The following EDIL3 variants were observed in gnomAD, a reference collection of about 807,000 sequenced individuals.
EDIL3 encodes the protein EGF-like repeat and discoidin I-like domain-containing protein 3.
Under a neutral mutation model 67.4 loss-of-function variants are expected in EDIL3, and 37 were observed. That is an observed-to-expected ratio of 0.55 (90% CI 0.42 to 0.72). EDIL3 has a LOEUF of 0.72. EDIL3 is among the 30% of genes least tolerant of loss of function. The pLI, the probability that EDIL3 is intolerant of heterozygous loss-of-function variation, is 0.00. For missense variants in EDIL3, 527 were observed against 586.3 expected, an observed-to-expected ratio of 0.90 and a Z score of 1.04; for synonymous variants, 195 against 196.3, an observed-to-expected ratio of 0.99 and a Z score of 0.05.
At position 84,106,818 on chromosome 5, in the gene EDIL3, G is replaced by A. The variant is rs757595539; in HGVS notation, c.482C>T (p.Pro161Leu). Residue 161 changes from proline (P) to leucine (L), a missense_variant, in exon 6 of 11, where the codon CCA (proline) becomes CTA (leucine). Physicochemically the swap from Pro to Leu is moderately conservative, Grantham distance 98. Around this residue, in one of 2 missense-constraint regions of EDIL3, gnomAD observed 494 missense variants for 522.5 expected, o/e 0.95. Coordinates refer to ENST00000296591, the MANE Select transcript of EDIL3 (RefSeq NM_005711.5). Reference sequence around the variant, plus strand: ...TATAATTCCACCTTCAATTCCCAGTGGGCCTGAGCATTCTGGAAACAAAAA... The same window carrying A: ...TATAATTCCACCTTCAATTCCCAGTAGGCCTGAGCATTCTGGAAACAAAAA... ...GRNCQYKCSG[P>L]LGIEGGIISN... The A allele has an allele frequency of 6.3e-7, 1 of 1,598,828 alleles. No homozygotes were observed. Among genetic ancestry groups the A allele is most frequent in the Admixed American group, 1.8e-5 (1 of 55,868 alleles).
chr5:84,343,213 CT>C (rs529927011), intron 1 of EDIL3, among the ~76,000 whole-genome samples: 229 of 148,192 alleles, frequency 1.5e-3, no homozygotes, highest in Middle Eastern at 3.6e-3. Context: ...CTGCTAATAC[CT>C]TTTTTTTTTA....
chr5:84,188,422 T>C (rs1580368150), intron 3 of EDIL3, among the ~76,000 whole-genome samples: 3 of 151,900 alleles, frequency 2.0e-5, no homozygotes, highest in Admixed American at 2.0e-4. Flanking sequence ...AAAACACGAA[T>C]CCCTGCCTGT....
At chr5:84,209,137 AC>A (rs1419443359) in intron 3 of EDIL3, among the ~76,000 whole-genome samples, 3 of 151,542 alleles carry the variant, frequency 2.0e-5, no homozygotes, top group Non-Finnish European at 2.9e-5. Flanking sequence ...AAAAAACCAA[AC>A]ACCGCATGTT....
chr5:84,268,110 C>G (rs368557534), intron 1 of EDIL3, among the ~76,000 whole-genome samples: 49 of 152,132 alleles, frequency 3.2e-4, no homozygotes, highest in African/African-American at 1.1e-3. Flanking sequence ...GCACTCCAAG[C>G]TGGGTGACAG....
At chr5:84,056,663 C>T (rs957105219) in intron 9 of EDIL3, among the ~76,000 whole-genome samples, 2 of 151,794 alleles carry the variant, frequency 1.3e-5, no homozygotes, top group African/African-American at 2.4e-5. Context: ...TCCATTAGAG[C>T]GTCACATTTT....
intron 9 of EDIL3, among the ~76,000 whole-genome samples, chr5:84,023,588 T>C (rs1001249422): frequency 1.1e-4 from 17 of 152,074 alleles, no homozygotes; most frequent in African/African-American, 3.6e-4. Flanking sequence ...AGTTTAAGTA[T>C]AGGCTATTTG....
At chr5:84,296,992 C>T (rs1364267925) in intron 1 of EDIL3, among the ~76,000 whole-genome samples, 3 of 151,932 alleles carry the variant, frequency 2.0e-5, no homozygotes, top group Non-Finnish European at 4.4e-5. Context: ...ACCATCCTGG[C>T]TAATATGGTG....
chr5:84,028,905 G>T (rs1015102365), intron 9 of EDIL3, among the ~76,000 whole-genome samples: 6 of 152,080 alleles, frequency 3.9e-5, no homozygotes, highest in Non-Finnish European at 8.8e-5. Flanking sequence ...GGAGGTAATT[G>T]AATCATGGGG....
At chr5:83,968,448 C>CAA (rs2112134976) in intron 9 of EDIL3, among the ~76,000 whole-genome samples, 1 of 151,896 alleles carries the variant, frequency 6.6e-6, no homozygotes, top group Admixed American at 6.6e-5. Flanking sequence ...TAACTAAAAC[C>CAA]AAAAACTCAT....
intron 9 of EDIL3, among the ~76,000 whole-genome samples, chr5:83,991,171 A>G (rs1434332343): frequency 6.6e-6 from 1 of 152,056 alleles, no homozygotes; most frequent in Non-Finnish European, 1.5e-5. Flanking sequence ...CCTGTACTGC[A>G]TGTTTCATTT....
At chr5:84,135,356 G>C (rs1273548536) in intron 5 of EDIL3, among the ~76,000 whole-genome samples, 1 of 152,152 alleles carries the variant, frequency 6.6e-6, no homozygotes, top group East Asian at 1.9e-4. Context: ...TCTAATCCAG[G>C]TATTGTTTTA....
At chr5:84,328,819 G>A (rs1164917363) in intron 1 of EDIL3, among the ~76,000 whole-genome samples, 1 of 152,020 alleles carries the variant, frequency 6.6e-6, no homozygotes, top group Non-Finnish European at 1.5e-5. Context: ...TATTTCAATT[G>A]GGAAAAGAAG....
At chr5:84,187,395 A>G (rs545098110) in intron 3 of EDIL3, among the ~76,000 whole-genome samples, 13 of 152,256 alleles carry the variant, frequency 8.5e-5, no homozygotes, top group Admixed American at 8.5e-4. Context: ...AATAACTTAT[A>G]GTACACAAGC....
intron 1 of EDIL3, among the ~76,000 whole-genome samples, chr5:84,373,345 A>G (rs1361851186): frequency 6.6e-6 from 1 of 152,164 alleles, no homozygotes; most frequent in Non-Finnish European, 1.5e-5. Context: ...TCCCTGAATC[A>G]TAACTTCTAT....
intron 9 of EDIL3, among the ~76,000 whole-genome samples, chr5:84,002,603 A>C (rs763826312): frequency 5.9e-5 from 9 of 152,266 alleles, no homozygotes; most frequent in Admixed American, 1.3e-4. Flanking sequence ...ATGCAAAATC[A>C]ACAAACAAAA....
At chr5:84,159,355 C>T (rs1005716188) in intron 4 of EDIL3, among the ~76,000 whole-genome samples, 2 of 151,872 alleles carry the variant, frequency 1.3e-5, no homozygotes, top group Admixed American at 1.3e-4. Context: ...CATACGTAGA[C>T]CAAGTGTGTA....
intron 3 of EDIL3, among the ~76,000 whole-genome samples, chr5:84,220,666 C>G (rs1242363855): frequency 6.6e-6 from 1 of 152,032 alleles, no homozygotes; most frequent in Non-Finnish European, 1.5e-5. Context: ...CATTTTTGTT[C>G]ATGTATCAAC....
At chr5:84,104,195 A>G (rs1747417351) in intron 6 of EDIL3, among the ~76,000 whole-genome samples, 1 of 152,020 alleles carries the variant, frequency 6.6e-6, no homozygotes. Context: ...ACACGGACAC[A>G]TAGAATGAAA....
In EDIL3 at chr5:84,364,396, T is replaced by C. The variant is rs141574085; in HGVS notation, c.67+19912A>G. On this transcript the variant is annotated intron_variant, in intron 1 of 10. Coordinates refer to ENST00000296591, the MANE Select transcript of EDIL3 (RefSeq NM_005711.5). The stretch of plus-strand genomic sequence containing the variant: ...CGAATTCATATTGCTTTGGAAATTG[T>C]TACACAGATACATGCTACAGATGCA... 4.3e-3 allele frequency among the ~76,000 whole-genome samples: 649 copies of C among 152,270 alleles called. 3 individuals are homozygous for C. The highest frequency in any genetic ancestry group is 0.015 in the African/African-American group (603 of 41,554).
Sources: gnomAD v4.1 joint callset for allele counts (sites outside exome capture counted in the v4.1 genomes callset) on GRCh38, gnomAD v4.1.1 for gene constraint, gnomAD v4.1.1 regional missense constraint, MANE v1.5 for transcripts, NCBI Gene and HGNC (gene_info 2026-07-23, HGNC 2026-07-21) for gene names.